LRRC9: variants seen among roughly 807,000 people sequenced by gnomAD.
LRRC9 encodes leucine rich repeat containing 9.
In LRRC9, 122 loss-of-function variants were observed where a neutral mutation model predicts 63.2. The observed-to-expected ratio is 1.93, with a 90% CI of 1.67 to 2.24. The LOEUF (loss-of-function observed/expected upper bound fraction) is 2.24. Among genes scored for constraint, LRRC9 ranks in the 30% most tolerant of loss-of-function variants. The pLI is 0.00. For synonymous variants in LRRC9, 366 were observed against 213.1 expected, an observed-to-expected ratio of 1.72 and a Z score of -6.25; for missense variants, 1,071 against 627.7, an observed-to-expected ratio of 1.71 and a Z score of -7.55.
chr14:59,926,868 G>A (rs1341749488), intron 1 of LRRC9, among the ~76,000 whole-genome samples: 3 of 152,076 alleles, frequency 2.0e-5, no homozygotes, highest in African/African-American at 4.8e-5. Context: ...GTTCAGAGAA[G>A]CACTATTTAA....
chr14:59,925,790 G>A (rs976718037), intron 1 of LRRC9, among the ~76,000 whole-genome samples: 2 of 152,060 alleles, frequency 1.3e-5, no homozygotes, highest in African/African-American at 4.8e-5. Context: ...TTCTTTCCCT[G>A]GTACCTTGAA....
chr14:59,978,411 T>C (rs974607843), intron 15 of LRRC9, among the ~76,000 whole-genome samples: 2 of 152,158 alleles, frequency 1.3e-5, no homozygotes, highest in Non-Finnish European at 2.9e-5. Flanking sequence ...AACATGAAAA[T>C]GTGCCCTCAC....
chr14:60,022,909 T>A, intron 27 of LRRC9, 39 bp downstream of exon 27: 1 of 491,820 alleles, frequency 2.0e-6, no homozygotes, highest in Non-Finnish European at 3.7e-6. Context: ...TCTTTATTTT[T>A]AAAAACTGAT....
chr14:60,029,474 A>G (rs1361236255), intron 28 of LRRC9, among the ~76,000 whole-genome samples: 1 of 152,142 alleles, frequency 6.6e-6, no homozygotes, highest in Admixed American at 6.6e-5. Flanking sequence ...ATAATTCTAT[A>G]GATTCTAGGT....
In LRRC9 at chr14:60,053,974, T is replaced by C. The variant is rs572897036; in HGVS notation, c.4131+769T>C. The C allele has an allele frequency of 7.3e-4, 323 of 444,974 alleles. 1 individual carries two copies. Among genetic ancestry groups the C allele is most frequent in the African/African-American group, 6.2e-3 (304 of 49,218 alleles). 27.6% of individuals were successfully genotyped at this position (444,974 alleles called of 1,614,324 possible). On this transcript the variant is annotated intron_variant, in intron 30 of 31. Coordinates refer to ENST00000445360, the Ensembl canonical transcript of LRRC9. This position sits in a 1 kb window ranked among gnomAD's most constrained non-coding sequence, Gnocchi z 4.8. The stretch of plus-strand genomic sequence containing the variant: ...CTTTTAGAATAATCCAAGAGAGATG[T>C]TATGAAGACCTGGACCACGGTAGAG...
rs1402857358 is a variant in LRRC9 at position 59,938,967 on chromosome 14, A to G, written c.726+395A>G. Among the ~76,000 whole-genome samples, 5 of 146,754 alleles carry G rather than the reference A, an allele frequency of 3.4e-5. No individual in the cohort carries two copies. Among genetic ancestry groups the G allele is most frequent in the Non-Finnish European group, 6.0e-5 (4 of 67,042 alleles). On this transcript the variant is annotated intron_variant, in intron 7 of 31. Transcript: ENST00000445360. This position sits in a 1 kb window ranked among gnomAD's most constrained non-coding sequence, Gnocchi z 4.2. ...TATACATACATATATACACACATAT[A>G]TACATATATACATATATACACACAT... is the stretch of plus-strand genomic sequence containing the variant.
At chr14:59,982,096 A>G (rs1384388996) in intron 16 of LRRC9, 36 bp downstream of exon 16, 7 of 666,094 alleles carry the variant, frequency 1.1e-5, no homozygotes, top group Non-Finnish European at 1.9e-5. Context: ...TGAGACAGGA[A>G]TCTTGAATTT....
chr14:60,056,523 C>A (rs1358551311), intron 30 of LRRC9, among the ~76,000 whole-genome samples: 1 of 152,078 alleles, frequency 6.6e-6, no homozygotes, highest in Non-Finnish European at 1.5e-5. Context: ...AGATTTTCCC[C>A]TTACAGTACT....
chr14:60,064,227 T>A (rs1451739010), downstream of LRRC9, among the ~76,000 whole-genome samples: 2 of 152,220 alleles, frequency 1.3e-5, no homozygotes, highest in Admixed American at 1.3e-4. Flanking sequence ...TATCACAGAT[T>A]AATCAAATGT....
At chr14:59,947,986 T>TC (rs1450226999) in intron 8 of LRRC9, among the ~76,000 whole-genome samples, 9 of 151,836 alleles carry the variant, frequency 5.9e-5, no homozygotes, top group Admixed American at 4.6e-4. Flanking sequence ...GACTTGGCGA[T>TC]GCAGGCTCTT....
exon 25 of LRRC9, chr14:60,018,473 T>G: frequency 1.4e-6 from 1 of 694,816 alleles, no homozygotes; most frequent in East Asian, 2.7e-5. Context: ...ATCTACCTAA[T>G]GTGAAGGTAA....
chr14:60,022,018 T>TG (rs949306901), intron 26 of LRRC9, among the ~76,000 whole-genome samples: 5 of 151,664 alleles, frequency 3.3e-5, no homozygotes, highest in African/African-American at 9.7e-5. Flanking sequence ...TCGCAGTGAG[T>TG]GGGGGGGATG....
At position 59,923,767 on chromosome 14, in the gene LRRC9, C is replaced by G. The variant is rs1015232689; in HGVS notation, c.-34+3884C>G. On this transcript the variant is annotated intron_variant, in intron 1 of 31. Coordinates refer to ENST00000445360, the Ensembl canonical transcript of LRRC9. The surrounding 1 kb of genome is among the most constrained non-coding windows in gnomAD (Gnocchi z 4.2). ...CATCCTGGCTAACACGGTGAAACCCCGTCTCTACTAAAAATACAAAAAAAT... is the reference window on the plus strand; with the variant it reads ...CATCCTGGCTAACACGGTGAAACCCGGTCTCTACTAAAAATACAAAAAAAT... Among the ~76,000 whole-genome samples, 3 of 152,100 alleles carry G rather than the reference C, an allele frequency of 2.0e-5. No homozygotes were observed. The highest frequency in any genetic ancestry group is 7.2e-5 in the African/African-American group (3 of 41,416).
chr14:60,037,166 T>G (rs574698953), intron 29 of LRRC9, among the ~76,000 whole-genome samples: 1 of 152,194 alleles, frequency 6.6e-6, no homozygotes, highest in Admixed American at 6.5e-5. Flanking sequence ...AGTCTATCAA[T>G]GATGGACATT....
At chr14:59,977,412 C>T (rs1054108601) in intron 14 of LRRC9, 65 bp downstream of exon 14, 29 of 545,320 alleles carry the variant, frequency 5.3e-5, no homozygotes, top group Middle Eastern at 3.6e-4. Context: ...GTGTTTAATA[C>T]GGATACTCAC....
intron 14 of LRRC9, among the ~76,000 whole-genome samples, chr14:59,977,568 T>G (rs370571224): frequency 2.8e-5 from 4 of 144,514 alleles, no homozygotes; most frequent in Non-Finnish European, 6.1e-5. Context: ...AATTATGTAT[T>G]TGTGTGTGTG....
chr14:59,985,064 A>G (rs1594942553), intron 16 of LRRC9, 41 bp from the exon 17 acceptor site: 1 of 587,632 alleles, frequency 1.7e-6, no homozygotes, highest in Non-Finnish European at 3.1e-6. Flanking sequence ...TGTAGAATGT[A>G]ACCTGTATTA....
intron 6 of LRRC9, among the ~76,000 whole-genome samples, chr14:59,935,123 T>TAAA (rs34044624): frequency 1.7e-5 from 2 of 117,460 alleles, no homozygotes. Flanking sequence ...TTGTTTCTAC[T>TAAA]AAAAAAAAAA....
rs977634489 is a variant in LRRC9, at chr14:59,964,269, A to G, written c.1212-2320A>G. On this transcript the variant is annotated intron_variant, in intron 10 of 31. Coordinates refer to ENST00000445360, the Ensembl canonical transcript of LRRC9. The surrounding 1 kb of genome is among the most constrained non-coding windows in gnomAD (Gnocchi z 4.4). ...GTAAAGGATCAGTGTTCTCCACTGT[A>G]TAGTTTTAGACTATCATAACTTCTG... Among the ~76,000 whole-genome samples, 3 of 152,344 alleles carry G rather than the reference A, an allele frequency of 2.0e-5. No individual in the cohort carries two copies. The highest frequency in any genetic ancestry group is 2.9e-5 in the Non-Finnish European group (2 of 68,030).
Sources: gnomAD v4.1 joint callset for allele counts (sites outside exome capture counted in the v4.1 genomes callset) on GRCh38, gnomAD v4.1.1 for gene constraint, Gnocchi (gnomAD v3.1) non-coding constraint, MANE v1.5 for transcripts, NCBI Gene and HGNC (gene_info 2026-07-23, HGNC 2026-07-21) for gene names.